Variants in TM4SF4 observed in about 807,000 individuals in gnomAD.
TM4SF4 encodes transmembrane 4 L six family member 4, also known as transmembrane 4 L6 family member 4.
TM4SF4 carries 24 observed loss-of-function variants against 24.1 expected under a neutral mutation model. That is an observed-to-expected ratio of 1.00 (90% CI 0.72 to 1.40). The LOEUF is 1.40. TM4SF4 is among the 40% of genes most tolerant of loss of function. TM4SF4 has a pLI of 0.00. For missense variants in TM4SF4, 254 were observed against 254.2 expected (o/e 1.00, Z 0.01); for synonymous variants, 113 against 97.0 (o/e 1.17, Z -0.97).
In TM4SF4 at chr3:149,474,888, G is replaced by C. The variant is rs748181824; in HGVS notation, c.11G>C (p.Gly4Ala). 6.2e-6 allele frequency: 10 copies of C among 1,613,324 alleles called. No homozygotes were observed. The highest frequency in any genetic ancestry group is 8.5e-6 in the Non-Finnish European group (10 of 1,179,726). The stretch of plus-strand genomic sequence containing the variant: ...TCGTACCACCCCAGAATGTGCACTG[G>C]GGGCTGTGCCAGATGCCTGGGGGGG... MCT[G>A]GCARCLGGTL... The change falls in exon 1 of 5, where the codon GGG (glycine) becomes GCG (alanine). Residue 4 changes from glycine to alanine, a missense_variant. Coordinates refer to ENST00000305354, the MANE Select transcript of TM4SF4 (RefSeq NM_004617.4).
chr3:149,488,435 G>A (rs1734158259), intron 3 of TM4SF4, among the ~76,000 whole-genome samples: 1 of 152,192 alleles, frequency 6.6e-6, no homozygotes, highest in South Asian at 2.1e-4. Context: ...TGAGGACAGT[G>A]CCAGGGCTCA....
At chr3:149,483,320 T>A (rs918777272) in intron 2 of TM4SF4, among the ~76,000 whole-genome samples, 11 of 152,116 alleles carry the variant, frequency 7.2e-5, no homozygotes, top group Non-Finnish European at 1.5e-4. Context: ...CAGTAAGAAT[T>A]GTAGGCCAGG....
chr3:149,498,354 A>T (rs1202558504), intron 3 of TM4SF4, among the ~76,000 whole-genome samples: 1 of 152,204 alleles, frequency 6.6e-6, no homozygotes, highest in Non-Finnish European at 1.5e-5. Flanking sequence ...TAGATGGTGA[A>T]TTTGCCTGTC....
intron 3 of TM4SF4, 121 bp from the exon 4 acceptor site, chr3:149,498,601 T>C: frequency 1.2e-6 from 1 of 830,094 alleles, no homozygotes; most frequent in Middle Eastern, 2.4e-4. Flanking sequence ...CAGAGTATTT[T>C]CTCGTGAAGC....
At chr3:149,497,879 A>C (rs1002798913) in intron 3 of TM4SF4, among the ~76,000 whole-genome samples, 1 of 152,170 alleles carries the variant, frequency 6.6e-6, no homozygotes, top group Non-Finnish European at 1.5e-5. Flanking sequence ...TCCTGACTTC[A>C]GGTGATCTGC....
At chr3:149,489,799 A>G (rs1395654084) in intron 3 of TM4SF4, among the ~76,000 whole-genome samples, 1 of 152,246 alleles carries the variant, frequency 6.6e-6, no homozygotes. Flanking sequence ...ACCAGCATCA[A>G]GAACAGGTAC....
intron 2 of TM4SF4, among the ~76,000 whole-genome samples, chr3:149,483,952 T>G (rs1264611760): frequency 6.6e-6 from 1 of 152,144 alleles, no homozygotes; most frequent in African/African-American, 2.4e-5. Flanking sequence ...GGCTAATTTT[T>G]GTAGCTTTTG....
intron 2 of TM4SF4, among the ~76,000 whole-genome samples, chr3:149,486,063 G>GA (rs1391046195): frequency 6.6e-6 from 1 of 152,076 alleles, no homozygotes; most frequent in Non-Finnish European, 1.5e-5. Context: ...TATATGATAT[G>GA]AAAATGAATC....
chr3:149,491,297 A>AAAAAAAAAAAATT (rs1734205579), intron 3 of TM4SF4, among the ~76,000 whole-genome samples: 3 of 78,282 alleles, frequency 3.8e-5, no homozygotes, highest in Admixed American at 2.5e-4. Flanking sequence ...CCCCTCTACA[A>AAAAAAAAAAAATT]AAAAAAAAAA....
At chr3:149,491,561 A>G (rs1734211001) in intron 3 of TM4SF4, among the ~76,000 whole-genome samples, 2 of 150,776 alleles carry the variant, frequency 1.3e-5, no homozygotes, top group Admixed American at 6.6e-5. Context: ...CTACTTTTAT[A>G]TATGTGTACA....
intron 2 of TM4SF4, 122 bp from the exon 3 acceptor site, chr3:149,487,497 A>G (rs1576519628): frequency 8.2e-7 from 1 of 1,218,126 alleles, no homozygotes; most frequent in East Asian, 2.4e-5. Context: ...TCTACTATAA[A>G]GACTAGCTCC....
chr3:149,497,021 G>T (rs887181253), intron 3 of TM4SF4, among the ~76,000 whole-genome samples: 1 of 152,208 alleles, frequency 6.6e-6, no homozygotes, highest in Non-Finnish European at 1.5e-5. Context: ...TTTAAAAAAA[G>T]AGAAAAAGAA....
At chr3:149,501,904 C>A (rs892265456) in intron 4 of TM4SF4, among the ~76,000 whole-genome samples, 2 of 152,142 alleles carry the variant, frequency 1.3e-5, no homozygotes, top group Non-Finnish European at 2.9e-5. Context: ...GCTATGAGAC[C>A]TGGTTTGAAT....
intron 2 of TM4SF4, among the ~76,000 whole-genome samples, chr3:149,486,246 T>C (rs1734114377): frequency 6.6e-6 from 1 of 152,204 alleles, no homozygotes; most frequent in Non-Finnish European, 1.5e-5. Flanking sequence ...CCACGTCTAA[T>C]TTTCACAACA....
intron 2 of TM4SF4, among the ~76,000 whole-genome samples, chr3:149,480,844 T>C (rs1734021458): frequency 6.6e-6 from 1 of 152,212 alleles, no homozygotes; most frequent in African/African-American, 2.4e-5. Context: ...CTTCTACATA[T>C]TTTATTTTAT....
At chr3:149,502,620 G>C in intron 4 of TM4SF4, 56 bp from the exon 5 acceptor site, 1 of 1,419,740 alleles carries the variant, frequency 7.0e-7, no homozygotes. Flanking sequence ...GAGGGGAAAA[G>C]CAAAAATTTA....
intron 3 of TM4SF4, among the ~76,000 whole-genome samples, chr3:149,489,846 G>T (rs1734181460): frequency 6.6e-6 from 1 of 152,018 alleles, no homozygotes; most frequent in Non-Finnish European, 1.5e-5. Context: ...ACAGAATAGG[G>T]TAAACCTTGC....
At chr3:149,490,504 G>T (rs967456846) in intron 3 of TM4SF4, among the ~76,000 whole-genome samples, 12 of 152,290 alleles carry the variant, frequency 7.9e-5, no homozygotes, top group African/African-American at 2.9e-4. Context: ...CAAGTGGCTT[G>T]CCAAGAGGAA....
intron 2 of TM4SF4, among the ~76,000 whole-genome samples, chr3:149,480,565 C>T (rs1430116456): frequency 6.6e-6 from 1 of 152,140 alleles, no homozygotes; most frequent in Non-Finnish European, 1.5e-5. Flanking sequence ...GTGGTCAGCA[C>T]TTCTTCCCGT....
Sources: gnomAD v4.1 joint callset for allele counts (sites outside exome capture counted in the v4.1 genomes callset) on GRCh38, gnomAD v4.1.1 for gene constraint, MANE v1.5 for transcripts, NCBI Gene and HGNC (gene_info 2026-07-23, HGNC 2026-07-21) for gene names.